TVP23C: variants seen among roughly 807,000 people sequenced by gnomAD.
TVP23C encodes the protein trans-golgi network vesicle protein 23 homolog C, also known as Golgi apparatus membrane protein TVP23 homolog C.
In TVP23C, 19 loss-of-function variants were observed where a neutral mutation model predicts 28.7. The ratio of observed to expected loss-of-function variants is 0.66; its 90% CI spans 0.46 to 0.97. The LOEUF (loss-of-function observed/expected upper bound fraction) is 0.97. TVP23C is among the 50% of genes least tolerant of loss of function. TVP23C has a pLI of 0.00. For synonymous variants in TVP23C, 68 were observed against 81.7 expected, an observed-to-expected ratio of 0.83 and a Z score of 0.90; for missense variants, 186 against 241.3, an observed-to-expected ratio of 0.77 and a Z score of 1.52.
At chr17:15,515,523 C>G (rs1041195273) in intron 5 of TVP23C, among the ~76,000 whole-genome samples, 4 of 152,162 alleles carry the variant, frequency 2.6e-5, no homozygotes, top group African/African-American at 7.2e-5. Context: ...GAAAAATGAA[C>G]TACACGAGAT....
chr17:15,529,400 C>T (rs1245943324), intron 5 of TVP23C, among the ~76,000 whole-genome samples: 2 of 151,824 alleles, frequency 1.3e-5, no homozygotes, highest in African/African-American at 2.4e-5. Flanking sequence ...CGCAGTGAGC[C>T]GAGTCAGCGC....
At chr17:15,551,508 A>T (rs1335454686) in intron 3 of TVP23C, among the ~76,000 whole-genome samples, 1 of 152,170 alleles carries the variant, frequency 6.6e-6, no homozygotes. Flanking sequence ...GCATTTAAGC[A>T]TACCTTTAAA....
chr17:15,552,965 T>C lies in TVP23C; in HGVS notation c.240+720A>G, dbSNP rs556714000. 3.8e-4 allele frequency among the ~76,000 whole-genome samples: 58 copies of C among 151,738 alleles called. 1 individual carries two copies. The highest frequency in any genetic ancestry group is 3.4e-3 in the Admixed American group (52 of 15,228). The stretch of plus-strand genomic sequence containing the variant: ...ATCCATCCATCCATCTCTCTAATCA[T>C]TGTTCTTGAGTTTGAAACCATTTCT... On this transcript the variant is annotated intron_variant, in intron 3 of 5. Coordinates refer to ENST00000518321, the MANE Select transcript of TVP23C (RefSeq NM_001135036.2).
At chr17:15,557,122 T>A (rs1167661404) in intron 1 of TVP23C, among the ~76,000 whole-genome samples, 1 of 149,282 alleles carries the variant, frequency 6.7e-6, no homozygotes, top group Non-Finnish European at 1.5e-5. Context: ...CCTTCAAGTT[T>A]TTTAGCTCAA....
In TVP23C at chr17:15,537,893, A is replaced by G; in HGVS notation, c.*2519T>C. Reference sequence around the variant, plus strand: ...CCTATGGAATGTGCATACCTACACCACAGAACAAATCTTAACAATGTTTCT... The same window carrying G: ...CCTATGGAATGTGCATACCTACACCGCAGAACAAATCTTAACAATGTTTCT... On this transcript the variant is annotated 3_prime_UTR_variant, in exon 6 of 6. Coordinates refer to ENST00000518321, the MANE Select transcript of TVP23C (RefSeq NM_001135036.2). 7.0e-7 allele frequency: 1 copy of G among 1,421,416 alleles called. No homozygotes were observed. Among genetic ancestry groups the G allele is most frequent in the Non-Finnish European group, 9.2e-7 (1 of 1,090,018 alleles). The allele number at this position is 1,421,416 out of a possible 1,614,324, so 88.1% of individuals were successfully genotyped here. A position where few individuals can be genotyped will look rare whatever the true frequency, so the allele number is the denominator to read the frequency against.
At chr17:15,561,473 C>T (rs1019587235) in intron 1 of TVP23C, among the ~76,000 whole-genome samples, 7 of 152,082 alleles carry the variant, frequency 4.6e-5, no homozygotes, top group Non-Finnish European at 8.8e-5. Flanking sequence ...GTGGCGGGCG[C>T]CTGTAATCCC....
intron 5 of TVP23C, among the ~76,000 whole-genome samples, chr17:15,525,665 CGTGT>C (rs537223610): frequency 1.5e-4 from 22 of 151,566 alleles, no homozygotes; most frequent in African/African-American, 3.1e-4. Flanking sequence ...AATCTCTCTC[CGTGT>C]GTGTGTGTGT....
In TVP23C at chr17:15,543,634, G is replaced by A. The variant is rs9914663; in HGVS notation, c.462+2151C>T. ...TAAAATAGTTACTGTTCTCTCCTCT[G>A]CACTCTCTACCCCATTACTTTGTAT... On this transcript the variant is annotated intron_variant, in intron 5 of 5. Transcript: ENST00000518321. Among the ~76,000 whole-genome samples, 328 of 151,134 alleles carry A rather than the reference G, an allele frequency of 2.2e-3. 2 individuals are homozygous for A. The highest frequency in any genetic ancestry group is 7.3e-3 in the African/African-American group (302 of 41,292).
At chr17:15,552,769 G>A (rs2150858597) in intron 3 of TVP23C, among the ~76,000 whole-genome samples, 1 of 152,262 alleles carries the variant, frequency 6.6e-6, no homozygotes, top group Non-Finnish European at 1.5e-5. Context: ...CTTTGAATCA[G>A]TATATGTCTC....
In TVP23C at chr17:15,540,197, A is replaced by G; in HGVS notation, c.*215T>C. 1 of 1,262,086 alleles carries G rather than the reference A, an allele frequency of 7.9e-7. No individual in the cohort carries two copies. 78.2% of individuals were successfully genotyped at this position (1,262,086 alleles called of 1,614,324 possible). On this transcript the variant is annotated 3_prime_UTR_variant, in exon 6 of 6. Coordinates refer to ENST00000518321, the MANE Select transcript of TVP23C (RefSeq NM_001135036.2). ...TGAACTTAAAAGTAATTTTTAAAAA[A>G]TAAGTTATTATCAATGATAGTTTAT... is the stretch of plus-strand genomic sequence containing the variant.
At position 15,547,129 on chromosome 17, in the gene TVP23C, A is replaced by G. The variant is rs768053478; in HGVS notation, c.260T>C (p.Met87Thr). 1.2e-6 allele frequency: 2 copies of G among 1,609,544 alleles called. No homozygotes were observed. The highest frequency in any genetic ancestry group is 8.5e-7 in the Non-Finnish European group (1 of 1,178,556). ...GTGATTCCACCAACGTAGGCCAACC[A>G]TTAGTCTACCTGTGACATTCTGGTG... ...WAVKNVTGRL[M>T]VGLRWWNHID... The change falls in exon 4 of 6, where the codon ATG becomes ACG. Residue 87 changes from methionine to threonine, a missense_variant. Met to Thr is a moderately conservative substitution (Grantham distance 81). Around this residue, in one of 3 missense-constraint regions of TVP23C, gnomAD observed 20 missense variants for 51.0 expected, o/e 0.39. Coordinates refer to ENST00000518321, the MANE Select transcript of TVP23C (RefSeq NM_001135036.2).
intron 5 of TVP23C, among the ~76,000 whole-genome samples, chr17:15,518,422 TC>T (rs1377581692): frequency 6.6e-6 from 1 of 152,036 alleles, no homozygotes; most frequent in Non-Finnish European, 1.5e-5. Context: ...GCCCAAAATG[TC>T]CCCCTTGGCA....
At chr17:15,555,043 A>G (rs538598362) in intron 2 of TVP23C, among the ~76,000 whole-genome samples, 11 of 152,386 alleles carry the variant, frequency 7.2e-5, no homozygotes, top group Admixed American at 3.3e-4. Flanking sequence ...GCACAGAATT[A>G]AAAACACAGG....
At chr17:15,540,616 C>G (rs1983371448) in intron 5 of TVP23C, 55 bp from the exon 6 acceptor site, 1 of 1,579,316 alleles carries the variant, frequency 6.3e-7, no homozygotes, top group Non-Finnish European at 8.6e-7. Flanking sequence ...TGACCTTTCT[C>G]TGTGCCATAA....
At chr17:15,549,944 G>A (rs1008005649) in intron 3 of TVP23C, among the ~76,000 whole-genome samples, 1 of 151,890 alleles carries the variant, frequency 6.6e-6, no homozygotes, top group African/African-American at 2.4e-5. Context: ...GAGCTGGCAA[G>A]GGAGACCTAA....
At chr17:15,533,464 G>A (rs771389538), downstream of TVP23C, among the ~76,000 whole-genome samples, 2 of 152,218 alleles carry the variant, frequency 1.3e-5, no homozygotes, top group Non-Finnish European at 2.9e-5. Flanking sequence ...ACTGAACAAA[G>A]ACTACAACCT....
intron 5 of TVP23C, among the ~76,000 whole-genome samples, chr17:15,508,885 A>T (rs1046549658): frequency 2.6e-5 from 4 of 152,224 alleles, no homozygotes; most frequent in African/African-American, 7.2e-5. Flanking sequence ...GCACCCTGGT[A>T]AACTAGGGGC....
chr17:15,551,955 T>TTGCTATCTATAAGTAATTTTGCC (rs1325714611), intron 3 of TVP23C, among the ~76,000 whole-genome samples: 1 of 152,226 alleles, frequency 6.6e-6, no homozygotes, highest in Non-Finnish European at 1.5e-5. Flanking sequence ...CTCCATTGTT[T>TTGCTATCTATAAGTAATTTTGCC]TGCTATCTAT....
chr17:15,548,981 A>G (rs1983769477), intron 3 of TVP23C, among the ~76,000 whole-genome samples: 2 of 152,276 alleles, frequency 1.3e-5, no homozygotes, highest in African/African-American at 4.8e-5. Flanking sequence ...AGCAGTACTG[A>G]AACCGCAGAA....
Sources: allele counts gnomAD v4.1 joint callset (sites outside exome capture counted in the v4.1 genomes callset), GRCh38; gene constraint gnomAD v4.1.1; regional missense constraint gnomAD v4.1.1; transcripts MANE v1.5; gene names NCBI Gene and HGNC (gene_info 2026-07-23, HGNC 2026-07-21).